Variants in PXT1 observed in about 807,000 individuals in gnomAD.
The protein encoded by PXT1 is peroxisomal testis-specific protein 1.
In PXT1, 11 loss-of-function variants were observed where a neutral mutation model predicts 11.0. The ratio of observed to expected loss-of-function variants is 1.00; its 90% confidence interval spans 0.63 to 1.66. The LOEUF is 1.66. Ranked by LOEUF, PXT1 falls within the 40% of genes most tolerant of loss-of-function variation. PXT1 has a pLI of 0.00. For missense variants in PXT1, 141 were observed against 155.5 expected, an observed-to-expected ratio of 0.91 and a Z score of 0.49; for synonymous variants, 43 against 51.4, an observed-to-expected ratio of 0.84 and a Z score of 0.70.
chr6:36,442,031 G>T (rs751812248), intron 1 of PXT1, among the ~76,000 whole-genome samples: 2 of 151,968 alleles, frequency 1.3e-5, no homozygotes, highest in African/African-American at 2.4e-5. Flanking sequence ...TTTACAAATA[G>T]TTTGCATAAT....
intron 2 of PXT1, among the ~76,000 whole-genome samples, chr6:36,431,769 A>T (rs115306158): frequency 0.014 from 2,075 of 152,066 alleles, 43 homozygotes; most frequent in African/African-American, 0.045. Context: ...CTGCCTAAAA[A>T]ATATATATCT....
chr6:36,432,058 A>T (rs905529340), intron 2 of PXT1, among the ~76,000 whole-genome samples: 1 of 152,160 alleles, frequency 6.6e-6, no homozygotes, highest in African/African-American at 2.4e-5. Flanking sequence ...GCCACAGCGC[A>T]AGACTCGTCT....
intron 4 of PXT1, among the ~76,000 whole-genome samples, chr6:36,395,109 G>A (rs1774124846): frequency 6.6e-6 from 1 of 152,144 alleles, no homozygotes; most frequent in Admixed American, 6.6e-5. Context: ...ACAGGTGTGA[G>A]CCACTGTGCC....
At chr6:36,439,456 A>T (rs976914014) in intron 1 of PXT1, among the ~76,000 whole-genome samples, 1 of 151,320 alleles carries the variant, frequency 6.6e-6, no homozygotes, top group Non-Finnish European at 1.5e-5. Context: ...TACTAAAAAT[A>T]AAAAAAATTA....
intron 2 of PXT1, among the ~76,000 whole-genome samples, chr6:36,428,867 G>T (rs1377959190): frequency 6.6e-6 from 1 of 151,966 alleles, no homozygotes. Context: ...AGTTGTCCAG[G>T]CTGGTCTCGG....
chr6:36,417,515 G>C (rs2127414617), intron 3 of PXT1, among the ~76,000 whole-genome samples: 1 of 151,022 alleles, frequency 6.6e-6, no homozygotes, highest in African/African-American at 2.4e-5. Context: ...AGCACTTCGA[G>C]AGGCAGTGGC....
At position 36,434,694 on chromosome 6, in the gene PXT1, A is replaced by G. The variant is rs1774738220; in HGVS notation, c.-10+4073T>C. Reference sequence around the variant, plus strand: ...GAATCAATAATCATGCATATTTATAACATTATCAGGTCTACAATAGATGCT... The same window carrying G: ...GAATCAATAATCATGCATATTTATAGCATTATCAGGTCTACAATAGATGCT... On this transcript the variant is annotated intron_variant, in intron 2 of 4. Transcript: ENST00000454782. Among the ~76,000 whole-genome samples, 5 of 152,224 alleles carry G rather than the reference A, an allele frequency of 3.3e-5. No homozygotes were observed. The South Asian group carries it at 1.0e-3, about 32-fold the overall frequency.
At chr6:36,417,395 C>A (rs544732445) in intron 3 of PXT1, among the ~76,000 whole-genome samples, 1 of 151,782 alleles carries the variant, frequency 6.6e-6, no homozygotes, top group Admixed American at 6.6e-5. Flanking sequence ...AGAGAGGGTG[C>A]AGTATGCGCT....
chr6:36,390,638 T>C lies in PXT1; in HGVS notation c.*1132A>G, dbSNP rs1774052575. 1 of 152,234 alleles carries C rather than the reference T, an allele frequency of 6.6e-6. No individual in the cohort carries two copies. The highest frequency in any genetic ancestry group is 1.5e-5 in the Non-Finnish European group (1 of 68,032). 9.4% of individuals were successfully genotyped at this position (152,234 alleles called of 1,614,324 possible). A position where few individuals can be genotyped will look rare whatever the true frequency, so the allele number is the denominator to read the frequency against. On this transcript the variant is annotated 3_prime_UTR_variant, in exon 5 of 5. Coordinates refer to ENST00000454782, the MANE Select transcript of PXT1 (RefSeq NM_152990.4). The stretch of plus-strand genomic sequence containing the variant: ...CCCTATGAAGAACTCAAGATACATA[T>C]GTAAACTTTTAATTTATAACAACAA...
chr6:36,410,259 T>C (rs567470640), intron 3 of PXT1, among the ~76,000 whole-genome samples: 2 of 152,048 alleles, frequency 1.3e-5, no homozygotes, highest in South Asian at 4.2e-4. Flanking sequence ...GAGACCAGCC[T>C]GACCAACACG....
chr6:36,411,253 C>T (rs1424352416), intron 3 of PXT1, among the ~76,000 whole-genome samples: 1 of 152,016 alleles, frequency 6.6e-6, no homozygotes, highest in Non-Finnish European at 1.5e-5. Context: ...AGTTCGAGAC[C>T]AGCCTGACCA....
intron 3 of PXT1, among the ~76,000 whole-genome samples, chr6:36,403,824 T>C (rs1774247345): frequency 1.3e-5 from 2 of 152,110 alleles, no homozygotes; most frequent in Non-Finnish European, 2.9e-5. Context: ...GCTGAGATTG[T>C]GCCACTGCAC....
chr6:36,429,926 C>A (rs1774668456), intron 2 of PXT1, among the ~76,000 whole-genome samples: 1 of 151,980 alleles, frequency 6.6e-6, no homozygotes, highest in Non-Finnish European at 1.5e-5. Context: ...TGGCCAGGCA[C>A]AGTGGCTCGC....
At chr6:36,398,553 A>G (rs1582247027) in intron 4 of PXT1, among the ~76,000 whole-genome samples, 1 of 152,202 alleles carries the variant, frequency 6.6e-6, no homozygotes, top group African/African-American at 2.4e-5. Flanking sequence ...AAAGAAGTAA[A>G]ATACTGATAC....
At chr6:36,394,801 A>AT (rs144812534) in intron 4 of PXT1, among the ~76,000 whole-genome samples, 3,555 of 149,226 alleles carry the variant, frequency 0.024, 128 homozygotes, top group African/African-American at 0.081. Flanking sequence ...AAAATAGAAG[A>AT]TTTTTTTTTT....
intron 3 of PXT1, among the ~76,000 whole-genome samples, chr6:36,412,923 AG>A (rs1774395256): frequency 1.3e-5 from 2 of 152,048 alleles, no homozygotes; most frequent in Non-Finnish European, 2.9e-5. Flanking sequence ...AAAAAAAAAA[AG>A]AAAAAATGTT....
At chr6:36,407,338 G>A (rs1774305193) in intron 3 of PXT1, among the ~76,000 whole-genome samples, 1 of 152,096 alleles carries the variant, frequency 6.6e-6, no homozygotes, top group Non-Finnish European at 1.5e-5. Context: ...CTCTAAACTA[G>A]TTATATATTG....
chr6:36,399,793 T>C (rs763268444), intron 4 of PXT1, among the ~76,000 whole-genome samples: 1 of 152,200 alleles, frequency 6.6e-6, no homozygotes, highest in Non-Finnish European at 1.5e-5. Context: ...CAAACAGTAA[T>C]CATTAGTCTT....
intron 2 of PXT1, among the ~76,000 whole-genome samples, chr6:36,434,805 A>G (rs1407351249): frequency 6.6e-6 from 1 of 152,232 alleles, no homozygotes; most frequent in Non-Finnish European, 1.5e-5. Flanking sequence ...GTTTGAAAAG[A>G]TTTGTCTTTA....
Sources: gnomAD v4.1 joint callset for allele counts (sites outside exome capture counted in the v4.1 genomes callset) on GRCh38, gnomAD v4.1.1 for gene constraint, MANE v1.5 for transcripts, NCBI Gene and HGNC (gene_info 2026-07-23, HGNC 2026-07-21) for gene names.